The following PIEZO1 variants were observed in gnomAD, a reference collection of about 807,000 sequenced individuals.
The protein encoded by PIEZO1 is piezo type mechanosensitive ion channel component 1 (Er blood group).
PIEZO1 carries 296 observed loss-of-function variants against 297.2 expected under a neutral mutation model. The ratio of observed to expected loss-of-function variants is 1.00; its 90% confidence interval spans 0.91 to 1.10. The LOEUF (loss-of-function observed/expected upper bound fraction) is 1.10, where lower values mean the gene tolerates loss of function less well. Among genes scored for constraint, PIEZO1 ranks in the 50% least tolerant of loss-of-function variants. The pLI, the probability that PIEZO1 is intolerant of heterozygous loss-of-function variation, is 0.00. For synonymous variants in PIEZO1, 2,427 were observed against 1,507.5 expected (o/e 1.61, Z -14.13); for missense variants, 5,018 against 3,455.5 (o/e 1.45, Z -11.34).
chr16:88,734,660 T>C lies in PIEZO1; in HGVS notation c.1987A>G (p.Thr663Ala). ...PAYWRNLTGF[T>A]DEQLGDLGLE... ...CCAGCCTGGACTCACTGCTCGTCGG[T>C]GAAGCCAGTGAGGTTGCGCCAGTAG... The change falls in exon 15 of 51, where the codon ACC becomes GCC. Residue 663 changes from threonine (T) to alanine (A), a missense_variant. Transcript: ENST00000301015. The C allele has an allele frequency of 6.5e-7, 1 of 1,550,234 alleles. No individual in the cohort carries two copies. The highest frequency in any genetic ancestry group is 8.7e-7 in the Non-Finnish European group (1 of 1,146,902).
At position 88,733,521 on chromosome 16, in the gene PIEZO1, G is replaced by C. The variant is rs888291355; in HGVS notation, c.2487+67C>G. Reference sequence around the variant, plus strand: ...GTGGGCACGTGGGGCTGGGCTTGGGGAGGCCAGCTGGGCAGGCCAGAGCGA... The same window carrying C: ...GTGGGCACGTGGGGCTGGGCTTGGGCAGGCCAGCTGGGCAGGCCAGAGCGA... On this transcript the variant is annotated intron_variant, in intron 18 of 50. Transcript: ENST00000301015. 3.3e-6 allele frequency: 5 copies of C among 1,529,416 alleles called. No individual in the cohort carries two copies. In the African/African-American group the frequency reaches 6.9e-5, roughly 21 times the overall value. 94.7% of individuals were successfully genotyped at this position (1,529,416 alleles called of 1,614,324 possible). A position where few individuals can be genotyped will look rare whatever the true frequency, so the allele number is the denominator to read the frequency against.
chr16:88,733,507 G>A (rs894453684), intron 18 of PIEZO1, 53 bp from the exon 19 acceptor site: 2 of 1,532,124 alleles, frequency 1.3e-6, no homozygotes, highest in Non-Finnish European at 1.8e-6. Flanking sequence ...TGGGCACGTG[G>A]GGCTGGGCTT....
chr16:88,782,911 ACT>A (rs535778796), intron 1 of PIEZO1, among the ~76,000 whole-genome samples: 48 of 152,212 alleles, frequency 3.2e-4, no homozygotes, highest in Non-Finnish European at 5.6e-4. Context: ...GAGAGAAAAC[ACT>A]GAGTGAGGCC....
intron 12 of PIEZO1, among the ~76,000 whole-genome samples, chr16:88,735,886 C>T (rs1355850387): frequency 1.3e-5 from 2 of 152,106 alleles, no homozygotes; most frequent in Non-Finnish European, 2.9e-5. Flanking sequence ...GGGGTGGTGC[C>T]CGTGCCAACA....
At chr16:88,782,457 G>A (rs1265381773) in intron 1 of PIEZO1, among the ~76,000 whole-genome samples, 1 of 152,142 alleles carries the variant, frequency 6.6e-6, no homozygotes, top group East Asian at 1.9e-4. Context: ...ATCCCCCAAG[G>A]CTCCAGCAAC....
At chr16:88,762,430 C>T (rs1906974280) in intron 1 of PIEZO1, among the ~76,000 whole-genome samples, 1 of 152,206 alleles carries the variant, frequency 6.6e-6, no homozygotes, top group South Asian at 2.1e-4. Context: ...GAGCTGCAGG[C>T]ACTGCCCTCC....
In PIEZO1 at chr16:88,721,324, G is replaced by C. The variant is rs1206423811; in HGVS notation, c.5510C>G (p.Thr1837Ser). The change falls in exon 39 of 51, where the codon ACC (threonine) becomes AGC (serine). Residue 1837 changes from threonine to serine, a missense_variant. Coordinates refer to ENST00000301015, the MANE Select transcript of PIEZO1 (RefSeq NM_001142864.4). ...AEEGPGVPAATTEDHIQVEAR... is the reference protein window; with the variant it reads ...AEEGPGVPAASTEDHIQVEAR... The stretch of plus-strand genomic sequence containing the variant: ...TTCCACCTGAATGTGGTCTTCGGTG[G>C]TGGCCGCAGGCACCCCTGGCCCCTC... 6.5e-7 allele frequency: 1 copy of C among 1,546,722 alleles called. No individual in the cohort carries two copies. The highest frequency in any genetic ancestry group is 2.0e-5 in the Admixed American group (1 of 50,998).
intron 44 of PIEZO1, chr16:88,717,769 C>T (rs1035494505): frequency 8.9e-6 from 4 of 451,328 alleles, no homozygotes; most frequent in Non-Finnish European, 1.8e-5. Context: ...CCAGAGAATA[C>T]AGAGAATTCT....
chr16:88,720,669 A>G lies in PIEZO1; in HGVS notation c.5748T>C (p.Ser1916=), dbSNP rs965900094. The G allele has an allele frequency of 2.8e-5, 44 of 1,546,726 alleles. No homozygotes were observed. Among genetic ancestry groups the G allele is most frequent in the Non-Finnish European group, 3.5e-5 (40 of 1,145,588 alleles). Residue 1916 remains serine, a synonymous_variant, in exon 40 of 51, where the codon TCT becomes TCC. Coordinates refer to ENST00000301015, the MANE Select transcript of PIEZO1 (RefSeq NM_001142864.4). ...PTGREKRPSR[S]GGRVRAAGRR... is the part of the protein sequence containing the mutation. ...GCCCGGCCGCCCTTACTCTTCCTCC[A>G]GAGCGGCTTGGCCTCTTCTCTCTCC...
chr16:88,742,168 G>T, intron 3 of PIEZO1, 73 bp from the exon 4 acceptor site: 1 of 1,520,456 alleles, frequency 6.6e-7, no homozygotes, highest in Non-Finnish European at 8.8e-7. Flanking sequence ...TCCCTGGAGC[G>T]TTTCACCTGG....
rs778530465 is a variant in PIEZO1 at position 88,738,335 on chromosome 16, C to G, written c.740G>C (p.Arg247Thr). ...GAAGCACCCCACCGCGACGCAGAGT[C>G]TGCTGAAGCCCCGAGTGCTGATGGG... ...HFPISTRGFS[R>T]LCVAVGCFGA... Residue 247 changes from arginine (R) to threonine (T), a missense_variant, in exon 7 of 51, where the codon AGA (arginine) becomes ACA (threonine). Arg to Thr is a moderately conservative substitution (Grantham distance 71). Coordinates refer to ENST00000301015, the MANE Select transcript of PIEZO1 (RefSeq NM_001142864.4). 2.0e-6 allele frequency: 3 copies of G among 1,535,914 alleles called. No homozygotes were observed. The South Asian group carries it at 3.6e-5, about 18-fold the overall frequency.
chr16:88,778,568 C>A (rs977594634), intron 1 of PIEZO1, among the ~76,000 whole-genome samples: 2 of 152,186 alleles, frequency 1.3e-5, no homozygotes, highest in African/African-American at 4.8e-5. Flanking sequence ...GCACGTCGGC[C>A]TAAGGGGCCC....
chr16:88,742,177 G>A (rs1905722501), intron 3 of PIEZO1, 82 bp from the exon 4 acceptor site: 24 of 1,513,274 alleles, frequency 1.6e-5, no homozygotes, highest in East Asian at 4.9e-5. Context: ...CGTTTCACCT[G>A]GACCATCCAG....
In PIEZO1 at chr16:88,732,936, G is replaced by A. The variant is rs1055904873; in HGVS notation, c.2665-204C>T. 7.5e-5 allele frequency: 45 copies of A among 596,996 alleles called. 1 individual carries two copies. In the South Asian group the frequency reaches 8.6e-4, roughly 11 times the overall value. The allele number at this position is 596,996 out of a possible 1,614,324, so 37.0% of individuals were successfully genotyped here. ...GAGACCACGGGCAGGGGCTGGGGGAGTGAAGAGAGGTCCAGGGAGAAGGAG... is the reference window on the plus strand; with the variant it reads ...GAGACCACGGGCAGGGGCTGGGGGAATGAAGAGAGGTCCAGGGAGAAGGAG... On this transcript the variant is annotated intron_variant, in intron 19 of 50. Coordinates refer to ENST00000301015, the MANE Select transcript of PIEZO1 (RefSeq NM_001142864.4).
chr16:88,719,312 C>A (rs1912261273), intron 44 of PIEZO1: 5 of 498,850 alleles, frequency 1.0e-5, no homozygotes, highest in Non-Finnish European at 1.8e-5. Flanking sequence ...CCGGTCCTCC[C>A]TGCACCAGGC....
At chr16:88,751,756 G>A (rs1906402071) in intron 1 of PIEZO1, among the ~76,000 whole-genome samples, 1 of 151,984 alleles carries the variant, frequency 6.6e-6, no homozygotes, top group African/African-American at 2.4e-5. Context: ...AAGTTCTGAA[G>A]TTCTCCACAG....
intron 1 of PIEZO1, among the ~76,000 whole-genome samples, chr16:88,753,283 C>G (rs188181607): frequency 0.041 from 2,573 of 62,974 alleles, 305 homozygotes; most frequent in African/African-American, 0.17. Context: ...CCCGCCCCCC[C>G]AGAGCGTACC....
chr16:88,738,836 C>T (rs1905442028), intron 5 of PIEZO1, 100 bp from the exon 6 acceptor site: 12 of 1,077,160 alleles, frequency 1.1e-5, no homozygotes, highest in Non-Finnish European at 1.2e-5. Context: ...GCGGCCACAT[C>T]CACAGCTGCT....
chr16:88,725,098 G>A lies in PIEZO1; in HGVS notation c.4163-18C>T, dbSNP rs1313332705. 2.7e-6 allele frequency: 4 copies of A among 1,500,196 alleles called. No homozygotes were observed. Among genetic ancestry groups the A allele is most frequent in the Non-Finnish European group, 3.6e-6 (4 of 1,125,288 alleles). The allele number at this position is 1,500,196 out of a possible 1,614,324, so 92.9% of individuals were successfully genotyped here. On this transcript the variant is annotated intron_variant, in intron 29 of 50. Coordinates refer to ENST00000301015, the MANE Select transcript of PIEZO1 (RefSeq NM_001142864.4). Reference sequence around the variant, plus strand: ...GTCGGGCCCTGTGGAGGGGCAGGGTGAGCATGAGGCAGCAGTCAAGCCACC... The same window carrying A: ...GTCGGGCCCTGTGGAGGGGCAGGGTAAGCATGAGGCAGCAGTCAAGCCACC...
Sources: allele counts gnomAD v4.1 joint callset (sites outside exome capture counted in the v4.1 genomes callset), GRCh38; gene constraint gnomAD v4.1.1; transcripts MANE v1.5; gene names NCBI Gene and HGNC (gene_info 2026-07-23, HGNC 2026-07-21).